Variants in DPP6 observed in about 807,000 individuals in gnomAD.
The protein encoded by DPP6 is A-type potassium channel modulatory protein DPP6.
Under a neutral mutation model 122.6 loss-of-function variants are expected in DPP6, and 69 were observed. The observed-to-expected ratio is 0.56, with a 90% CI of 0.46 to 0.69. The LOEUF is 0.69. Among genes scored for constraint, DPP6 ranks in the 30% least tolerant of loss-of-function variants. The pLI, the probability that DPP6 is intolerant of heterozygous loss-of-function variation, is 0.00. For missense variants in DPP6, 928 were observed against 1,116.9 expected (o/e 0.83, Z 2.41); for synonymous variants, 418 against 433.1 (o/e 0.97, Z 0.43).
At chr7:154,153,376 C>T (rs569583379) in intron 1 of DPP6, among the ~76,000 whole-genome samples, 2 of 152,116 alleles carry the variant, frequency 1.3e-5, no homozygotes, top group South Asian at 2.1e-4. Context: ...TAGTAGAGAC[C>T]GGGTTTCACC....
In DPP6 at chr7:154,801,036, CT is replaced by C. The variant is rs1017468538; in HGVS notation, c.1300-318del. 3.0e-4 allele frequency among the ~76,000 whole-genome samples: 45 copies of C among 151,736 alleles called. 1 individual carries two copies. The highest frequency in any genetic ancestry group is 2.8e-3 in the Admixed American group (42 of 15,208). Reference sequence around the variant, plus strand: ...CTTTTGAGTTTTGAGAGCAGAGTTCCTGTTCTCACTGGTGAGCTTGGCGTGC... The same window carrying C: ...CTTTTGAGTTTTGAGAGCAGAGTTCCGTTCTCACTGGTGAGCTTGGCGTGC... On this transcript the variant is annotated intron_variant, in intron 12 of 25. Transcript: ENST00000377770.
the DPP6 span, among the ~76,000 whole-genome samples, chr7:153,807,809 G>C: frequency 2.0e-5 from 3 of 151,960 alleles, no homozygotes; most frequent in Admixed American, 6.6e-5. Context: ...CCAAACACCA[G>C]TATTGATTCC....
intron 20 of DPP6, among the ~76,000 whole-genome samples, chr7:154,879,109 G>A (rs1297328462): frequency 6.6e-6 from 1 of 152,156 alleles, no homozygotes; most frequent in East Asian, 1.9e-4. Flanking sequence ...CAGGGTCTCT[G>A]GGGGCAGATT....
At chr7:153,905,355 T>C (rs1194517410) in intron 1 of DPP6, among the ~76,000 whole-genome samples, 1 of 150,260 alleles carries the variant, frequency 6.7e-6, no homozygotes, top group Non-Finnish European at 1.5e-5. Context: ...GGAGGGGGAG[T>C]GGGGAGAAAT....
intron 5 of DPP6, among the ~76,000 whole-genome samples, chr7:154,627,289 G>A (rs986345708): frequency 6.8e-5 from 10 of 146,566 alleles, no homozygotes; most frequent in South Asian, 2.2e-4. Flanking sequence ...TCTGCCTCCC[G>A]GGTTTTCGCC....
intron 1 of DPP6, among the ~76,000 whole-genome samples, chr7:154,001,972 A>G (rs1228350084): frequency 1.3e-5 from 2 of 151,678 alleles, no homozygotes; most frequent in Non-Finnish European, 2.9e-5. Flanking sequence ...TACAGGTTTC[A>G]TTGTCTGTGC....
rs1433049030 is a variant in DPP6 at position 154,520,284 on chromosome 7, A to G, written c.458-20248A>G. The stretch of plus-strand genomic sequence containing the variant: ...TATTTTGCTTTTATCTTCCATTTTC[A>G]TCTTTTGCTTTTATCTTCCAAGATC... On this transcript the variant is annotated intron_variant, in intron 3 of 25. Transcript: ENST00000377770. Among the ~76,000 whole-genome samples, 3 of 152,176 alleles carry G rather than the reference A, an allele frequency of 2.0e-5. No individual in the cohort carries two copies. The South Asian group carries it at 6.2e-4, about 31-fold the overall frequency.
chr7:154,382,411 G>A (rs1813706245), intron 1 of DPP6, among the ~76,000 whole-genome samples: 1 of 152,192 alleles, frequency 6.6e-6, no homozygotes, highest in Non-Finnish European at 1.5e-5. Flanking sequence ...GCAAACTTTA[G>A]AACTTGTTGT....
intron 5 of DPP6, among the ~76,000 whole-genome samples, chr7:154,627,740 T>C (rs1037940420): frequency 1.3e-5 from 2 of 151,846 alleles, no homozygotes; most frequent in African/African-American, 4.8e-5. Flanking sequence ...GCCACAGGAG[T>C]GGGCCCAGAC....
intron 8 of DPP6, among the ~76,000 whole-genome samples, chr7:154,729,486 A>G (rs565624126): frequency 6.6e-6 from 1 of 152,314 alleles, no homozygotes; most frequent in East Asian, 1.9e-4. Context: ...TATAATTTGT[A>G]CATAATAAAA....
chr7:154,351,542 G>A (rs1002067383), intron 1 of DPP6, among the ~76,000 whole-genome samples: 1 of 152,120 alleles, frequency 6.6e-6, no homozygotes, highest in Non-Finnish European at 1.5e-5. Context: ...ACCTGCACCT[G>A]CACCTGGAGG....
Position 154,892,626 on chromosome 7 carries a change from G to C in DPP6, c.*146G>C. On this transcript the variant is annotated 3_prime_UTR_variant, in exon 26 of 26. Coordinates refer to ENST00000377770, the MANE Select transcript of DPP6 (RefSeq NM_130797.4). ...ATGTGTGTCTCGGATGCGGAAGGCA[G>C]TTTTGCTTGGGAAACAAGCTCCTTC... The C allele has an allele frequency of 6.7e-7, 1 of 1,490,334 alleles. No individual in the cohort carries two copies. Among genetic ancestry groups the C allele is most frequent in the Non-Finnish European group, 9.0e-7 (1 of 1,105,464 alleles). 92.3% of individuals were successfully genotyped at this position (1,490,334 alleles called of 1,614,324 possible). A position where few individuals can be genotyped will look rare whatever the true frequency, so the allele number is the denominator to read the frequency against.
At chr7:154,308,982 G>A (rs549276612) in intron 1 of DPP6, among the ~76,000 whole-genome samples, 34 of 152,300 alleles carry the variant, frequency 2.2e-4, no homozygotes, top group African/African-American at 7.0e-4. Flanking sequence ...ATGCACACAC[G>A]TGAACAGTCA....
At chr7:154,046,378 A>G (rs1800018202) in intron 1 of DPP6, among the ~76,000 whole-genome samples, 2 of 152,182 alleles carry the variant, frequency 1.3e-5, no homozygotes, top group Non-Finnish European at 2.9e-5. Context: ...GTGTCAGGGG[A>G]CAGGTTAAGA....
chr7:154,482,229 G>C (rs1823368784), intron 3 of DPP6, among the ~76,000 whole-genome samples: 1 of 152,082 alleles, frequency 6.6e-6, no homozygotes, highest in Non-Finnish European at 1.5e-5. Flanking sequence ...TGAGCCTGAG[G>C]GAGAAGAGCC....
chr7:154,291,883 T>C (rs550029313), intron 1 of DPP6, among the ~76,000 whole-genome samples: 1 of 152,284 alleles, frequency 6.6e-6, no homozygotes, highest in African/African-American at 2.4e-5. Context: ...AAGAAAAGCA[T>C]ATTCCATCTT....
chr7:154,015,508 G>T (rs969090769), intron 1 of DPP6, among the ~76,000 whole-genome samples: 1 of 152,008 alleles, frequency 6.6e-6, no homozygotes, highest in Non-Finnish European at 1.5e-5. Context: ...ACATGTGCTC[G>T]CTTACATGTG....
intron 1 of DPP6, among the ~76,000 whole-genome samples, chr7:154,189,930 C>A (rs1213443008): frequency 6.6e-6 from 1 of 152,198 alleles, no homozygotes; most frequent in Non-Finnish European, 1.5e-5. Context: ...AGTAACACCA[C>A]CCATGGCTTC....
At chr7:154,826,483 G>A (rs1266151696) in intron 16 of DPP6, among the ~76,000 whole-genome samples, 2 of 152,132 alleles carry the variant, frequency 1.3e-5, no homozygotes, top group African/African-American at 4.8e-5. Flanking sequence ...CGGACTCATG[G>A]AGATTCACAA....
Sources: allele counts gnomAD v4.1 joint callset (sites outside exome capture counted in the v4.1 genomes callset), GRCh38; gene constraint gnomAD v4.1.1; transcripts MANE v1.5; gene names NCBI Gene and HGNC (gene_info 2026-07-23, HGNC 2026-07-21).